Variants in CLGN observed in about 807,000 individuals in gnomAD.
CLGN encodes calmegin, also known as testis tissue sperm-binding protein Li 79P.
Under a neutral mutation model 79.1 loss-of-function variants are expected in CLGN, and 62 were observed. The observed-to-expected ratio is 0.78, with a 90% CI of 0.64 to 0.97. The LOEUF (loss-of-function observed/expected upper bound fraction) is 0.97. CLGN is among the 50% of genes least tolerant of loss of function. The pLI, the probability that CLGN is intolerant of heterozygous loss-of-function variation, is 0.00. For synonymous variants in CLGN, 225 were observed against 224.7 expected, an observed-to-expected ratio of 1.00 and a Z score of -0.01; for missense variants, 647 against 715.5, an observed-to-expected ratio of 0.90 and a Z score of 1.09.
intron 1 of CLGN, among the ~76,000 whole-genome samples, chr4:140,424,303 A>G (rs1729522904): frequency 6.6e-6 from 1 of 152,000 alleles, no homozygotes; most frequent in Non-Finnish European, 1.5e-5. Context: ...ATTTCCACAT[A>G]TTTGTGAATT....
intron 5 of CLGN, among the ~76,000 whole-genome samples, chr4:140,405,172 TA>T (rs1553945362): frequency 0.27 from 10,174 of 37,886 alleles, 1,173 homozygotes; most frequent in African/African-American, 0.39. Flanking sequence ...TAATTTTTTT[TA>T]TTTTTATTTT....
At chr4:140,409,105 T>C (rs1578602074) in intron 4 of CLGN, among the ~76,000 whole-genome samples, 1 of 152,014 alleles carries the variant, frequency 6.6e-6, no homozygotes, top group East Asian at 1.9e-4. Flanking sequence ...GCTGTTGTGA[T>C]GTAACTGCTT....
At chr4:140,394,866 C>T (rs1638517078) in intron 10 of CLGN, among the ~76,000 whole-genome samples, 1 of 152,002 alleles carries the variant, frequency 6.6e-6, no homozygotes, top group South Asian at 2.1e-4. Flanking sequence ...TAGGTACACT[C>T]AAAAGATGTC....
At chr4:140,416,528 T>C (rs11729534) in intron 1 of CLGN, among the ~76,000 whole-genome samples, 100,964 of 151,392 alleles carry the variant, frequency 0.67, 34,223 homozygotes, top group Non-Finnish European at 0.75. Context: ...ATATCACCAC[T>C]GATCCCACAA....
intron 4 of CLGN, among the ~76,000 whole-genome samples, chr4:140,408,870 T>TAC (rs1729158764): frequency 1.4e-5 from 2 of 144,050 alleles, no homozygotes; most frequent in Non-Finnish European, 3.0e-5. Flanking sequence ...CATATATATA[T>TAC]ATATATATAT....
At chr4:140,396,390 T>A (rs1292012590) in intron 8 of CLGN, among the ~76,000 whole-genome samples, 185 bp from the exon 9 acceptor site, 1 of 152,222 alleles carries the variant, frequency 6.6e-6, no homozygotes, top group African/African-American at 2.4e-5. Flanking sequence ...CCTGTTGTGC[T>A]CTATGCATAC....
chr4:140,417,847 A>G (rs1487725031), intron 1 of CLGN, among the ~76,000 whole-genome samples: 1 of 150,312 alleles, frequency 6.7e-6, no homozygotes, highest in Non-Finnish European at 1.5e-5. Flanking sequence ...ATTGGAAAAA[A>G]CTACTTTAAA....
intron 2 of CLGN, among the ~76,000 whole-genome samples, chr4:140,411,809 C>T (rs190008452): frequency 2.0e-4 from 31 of 152,168 alleles, no homozygotes; most frequent in East Asian, 3.9e-4. Flanking sequence ...ATTGACAAAA[C>T]GGGCAGTGGT....
At chr4:140,407,236 A>G (rs1729125611) in intron 4 of CLGN, among the ~76,000 whole-genome samples, 1 of 152,090 alleles carries the variant, frequency 6.6e-6, no homozygotes, top group African/African-American at 2.4e-5. Context: ...ATTGATGGTG[A>G]ATTGTATTAT....
chr4:140,392,514 G>T, intron 12 of CLGN, 72 bp downstream of exon 12: 1 of 1,501,032 alleles, frequency 6.7e-7, no homozygotes, highest in Non-Finnish European at 8.9e-7. Context: ...TTTAAGAATC[G>T]CTTAATTTAT....
At chr4:140,404,249 A>G (rs1729052743) in intron 5 of CLGN, among the ~76,000 whole-genome samples, 1 of 151,798 alleles carries the variant, frequency 6.6e-6, no homozygotes, top group Admixed American at 6.6e-5. Context: ...GCCTGCCACC[A>G]CACCCGGCTA....
At chr4:140,416,384 A>T in intron 1 of CLGN, among the ~76,000 whole-genome samples, 1 of 140,302 alleles carries the variant, frequency 7.1e-6, no homozygotes, top group African/African-American at 2.7e-5. Flanking sequence ...AGACACAAAA[A>T]ACCCTTCAAA....
chr4:140,389,424 A>C, intron 14 of CLGN, 120 bp from the exon 15 acceptor site: 3 of 737,558 alleles, frequency 4.1e-6, no homozygotes, highest in Non-Finnish European at 6.7e-6. Context: ...GCTATTATGA[A>C]GGTATTATAT....
At chr4:140,402,088 C>A in intron 5 of CLGN, 22 bp from the exon 6 acceptor site, 1 of 1,215,836 alleles carries the variant, frequency 8.2e-7, no homozygotes, top group South Asian at 1.4e-5. Flanking sequence ...GAAAAAGAAC[C>A]GTACTACTGA....
chr4:140,391,403 C>G (rs545312104), intron 13 of CLGN, among the ~76,000 whole-genome samples: 6 of 151,854 alleles, frequency 4.0e-5, no homozygotes, highest in Non-Finnish European at 8.9e-5. Context: ...ATACTAAGCA[C>G]TAAGAAGTTA....
At chr4:140,413,342 G>C (rs1012958379) in intron 1 of CLGN, among the ~76,000 whole-genome samples, 5 of 152,154 alleles carry the variant, frequency 3.3e-5, no homozygotes, top group African/African-American at 2.4e-5. Context: ...ATCTAAAGAT[G>C]GGGGGAGGAG....
chr4:140,397,415 AT>A (rs1409726905), intron 8 of CLGN, among the ~76,000 whole-genome samples: 2 of 149,950 alleles, frequency 1.3e-5, no homozygotes, highest in Non-Finnish European at 3.0e-5. Flanking sequence ...ATTGAAAATA[AT>A]TTTTCCTGGT....
At chr4:140,405,001 G>A (rs1463390450) in intron 5 of CLGN, among the ~76,000 whole-genome samples, 1 of 151,856 alleles carries the variant, frequency 6.6e-6, no homozygotes, top group Non-Finnish European at 1.5e-5. Context: ...AGGATTATCT[G>A]TGAGAATGTG....
Position 140,396,086 on chromosome 4 carries a change from G to A in CLGN, c.998+6C>T. ...AAATCGACATTTGAAGATGAAGAGT[G>A]CTTACCAGTCATCAGGTTTTTCAGC... On this transcript the variant is annotated splice_donor_region_variant and intron_variant, in intron 9 of 14. Transcript: ENST00000325617. 6.2e-7 allele frequency: 1 copy of A among 1,612,738 alleles called. No individual in the cohort carries two copies. The highest frequency in any genetic ancestry group is 8.5e-7 in the Non-Finnish European group (1 of 1,178,760).
Sources: allele counts gnomAD v4.1 joint callset (sites outside exome capture counted in the v4.1 genomes callset), GRCh38; gene constraint gnomAD v4.1.1; transcripts MANE v1.5; gene names NCBI Gene and HGNC (gene_info 2026-07-23, HGNC 2026-07-21).